The following ELF2 variants were observed in gnomAD, a reference collection of about 807,000 sequenced individuals.
The protein encoded by ELF2 is ETS-related transcription factor Elf-2.
Under a neutral mutation model 54.8 loss-of-function variants are expected in ELF2, and 11 were observed. That is an observed-to-expected ratio of 0.20 (90% CI 0.13 to 0.33). ELF2 has a LOEUF of 0.33. Ranked by LOEUF, ELF2 falls within the 10% of genes least tolerant of loss-of-function variation. ELF2 has a pLI of 1.00. For missense variants in ELF2, 513 were observed against 703.0 expected (o/e 0.73, Z 3.06); for synonymous variants, 203 against 245.1 (o/e 0.83, Z 1.61).
Position 139,059,201 on chromosome 4 carries a change from G to T in ELF2, c.1564C>A (p.Pro522Thr). The T allele has an allele frequency of 6.2e-7, 1 of 1,613,948 alleles. No individual in the cohort carries two copies. ...MPTQQASGQT[P>T]PRVISAVIKG... ...ATGACTGCACTGATAACTCGAGGAG[G>T]AGTCTGGCCAGATGCCTGCTGAGTA... Residue 522 changes from proline (P) to threonine (T), a missense_variant, in exon 10 of 10, where the codon CCT becomes ACT. By Grantham distance (38) the Pro-to-Thr change is conservative. This residue lies in a region of ELF2 where 291 missense variants were observed against 366.1 expected (regional missense o/e 0.79). Transcript: ENST00000686138.
intron 3 of ELF2, among the ~76,000 whole-genome samples, chr4:139,133,461 T>C (rs751503359): frequency 6.6e-6 from 1 of 152,218 alleles, no homozygotes; most frequent in Non-Finnish European, 1.5e-5. Flanking sequence ...AGTGCAGCTT[T>C]ATAGAAAGTC....
rs115461424 is a variant in ELF2, at chr4:139,062,144, T to A, written c.614-87A>T. On this transcript the variant is annotated intron_variant, in intron 7 of 9. Coordinates refer to ENST00000686138, the MANE Select transcript of ELF2 (RefSeq NM_001331036.3). Reference sequence around the variant, plus strand: ...AGCAAATAAAGTGTCCTTCATTGTATCATAAAAATCCTGAATATACTTGTT... The same window carrying A: ...AGCAAATAAAGTGTCCTTCATTGTAACATAAAAATCCTGAATATACTTGTT... The A allele has an allele frequency of 1.4e-3, 1,752 of 1,296,422 alleles. 23 individuals are homozygous for A. In the African/African-American group the frequency reaches 0.023, roughly 17 times the overall value. The allele number at this position is 1,296,422 out of a possible 1,614,324, so 80.3% of individuals were successfully genotyped here.
chr4:139,132,528 C>T (rs562729550), intron 3 of ELF2, among the ~76,000 whole-genome samples: 1 of 152,272 alleles, frequency 6.6e-6, no homozygotes, highest in East Asian at 1.9e-4. Context: ...TCTGCCTTTT[C>T]TCAAATTTTA....
intron 1 of ELF2, among the ~76,000 whole-genome samples, chr4:139,170,631 T>TA (rs544479897): frequency 6.6e-4 from 98 of 147,548 alleles, no homozygotes; most frequent in African/African-American, 2.3e-3. Context: ...ATGTATCTAC[T>TA]AAAAAACTTA....
At chr4:139,170,807 GC>G (rs1034395261) in intron 1 of ELF2, among the ~76,000 whole-genome samples, 2 of 151,134 alleles carry the variant, frequency 1.3e-5, no homozygotes, top group African/African-American at 4.9e-5. Flanking sequence ...GTGCAGTGTT[GC>G]AATCTCAGCT....
chr4:139,058,949 C>G lies in ELF2; in HGVS notation c.*34G>C, dbSNP rs1375794208. 2 of 1,561,052 alleles carry G rather than the reference C, an allele frequency of 1.3e-6. No individual in the cohort carries two copies. The highest frequency in any genetic ancestry group is 2.7e-5 in the African/African-American group (2 of 73,180). On this transcript the variant is annotated 3_prime_UTR_variant, in exon 10 of 10. Coordinates refer to ENST00000686138, the MANE Select transcript of ELF2 (RefSeq NM_001331036.3). The stretch of plus-strand genomic sequence containing the variant: ...GCAAATGTTTATGTCAGTACTGCCA[C>G]TAACAGCCTGAAGTCCATGGTGGAG...
At chr4:139,074,628 C>T (rs1017823446) in intron 4 of ELF2, among the ~76,000 whole-genome samples, 1 of 151,722 alleles carries the variant, frequency 6.6e-6, no homozygotes, top group Non-Finnish European at 1.5e-5. Flanking sequence ...GGCGTGGTGG[C>T]GGGCACCTGT....
At chr4:139,159,147 G>A (rs1298185857) in intron 1 of ELF2, among the ~76,000 whole-genome samples, 1 of 152,162 alleles carries the variant, frequency 6.6e-6, no homozygotes, top group East Asian at 1.9e-4. Context: ...CCTAGACCAA[G>A]AGGCATGTGA....
chr4:139,084,142 T>G, intron 4 of ELF2: 1 of 1,613,572 alleles, frequency 6.2e-7, no homozygotes, highest in East Asian at 2.2e-5. Flanking sequence ...CCGGCCCGGA[T>G]GAGCAGATCC....
chr4:139,127,614 G>A (rs191922949), intron 3 of ELF2, among the ~76,000 whole-genome samples: 65 of 152,162 alleles, frequency 4.3e-4, no homozygotes, highest in Non-Finnish European at 7.5e-4. Context: ...TGGAAACAGC[G>A]CCCAGCCGGG....
intron 7 of ELF2, among the ~76,000 whole-genome samples, chr4:139,064,310 G>A (rs190227262): frequency 7.2e-5 from 11 of 152,192 alleles, no homozygotes; most frequent in South Asian, 2.1e-4. Flanking sequence ...ACGAGACTCC[G>A]TCTCAAGAAA....
intron 1 of ELF2, among the ~76,000 whole-genome samples, chr4:139,175,531 G>C (rs1451274985): frequency 6.6e-6 from 1 of 152,078 alleles, no homozygotes; most frequent in African/African-American, 2.4e-5. Flanking sequence ...GTAATTTAAT[G>C]GTTTCCAGTC....
chr4:139,082,684 A>G (rs1359638685), intron 4 of ELF2, among the ~76,000 whole-genome samples: 1 of 152,156 alleles, frequency 6.6e-6, no homozygotes. Context: ...TCCCTTACCT[A>G]AAAACAATGG....
intron 4 of ELF2, among the ~76,000 whole-genome samples, chr4:139,124,324 G>A (rs966767778): frequency 5.3e-5 from 8 of 152,216 alleles, no homozygotes; most frequent in South Asian, 2.1e-4. Context: ...TATGCTGGAA[G>A]AGGCTAGTAG....
At chr4:139,164,018 G>C (rs141470986) in intron 1 of ELF2, among the ~76,000 whole-genome samples, 4 of 149,660 alleles carry the variant, frequency 2.7e-5, no homozygotes, top group African/African-American at 4.9e-5. Context: ...AAGGGCAAGA[G>C]AAAGAGAAAG....
chr4:139,101,830 C>T lies in ELF2; in HGVS notation c.238+23334G>A, dbSNP rs572122297. ...AGTGCTTCTTGTCTCAAGTAAATAA[C>T]TTGCACCTGATAGCCTCCTAAGTAT... On this transcript the variant is annotated intron_variant, in intron 4 of 9. Transcript: ENST00000686138. 22 of 152,160 alleles carry T rather than the reference C, an allele frequency of 1.4e-4. 1 individual carries two copies. The highest frequency in any genetic ancestry group is 8.5e-4 in the Admixed American group (13 of 15,282). 9.4% of individuals were successfully genotyped at this position (152,160 alleles called of 1,614,324 possible).
chr4:139,062,867 A>G (rs1728086113), intron 7 of ELF2, among the ~76,000 whole-genome samples: 1 of 152,192 alleles, frequency 6.6e-6, no homozygotes, highest in African/African-American at 2.4e-5. Flanking sequence ...ACTCTGAGGT[A>G]TATGTATTAT....
At chr4:139,151,043 A>AAGAAAGAAAG (rs1739877984) in intron 1 of ELF2, among the ~76,000 whole-genome samples, 1 of 73,676 alleles carries the variant, frequency 1.4e-5, no homozygotes, top group Non-Finnish European at 3.0e-5. Context: ...AAAGAAAGAA[A>AAGAAAGAAAG]GAAAGAAAGA....
At chr4:139,110,490 A>G (rs1734852413) in intron 4 of ELF2, among the ~76,000 whole-genome samples, 1 of 152,248 alleles carries the variant, frequency 6.6e-6, no homozygotes, top group African/African-American at 2.4e-5. Context: ...CAACCATATC[A>G]TAGACAATCA....
Sources: gnomAD v4.1 joint callset for allele counts (sites outside exome capture counted in the v4.1 genomes callset) on GRCh38, gnomAD v4.1.1 for gene constraint, gnomAD v4.1.1 regional missense constraint, MANE v1.5 for transcripts, NCBI Gene and HGNC (gene_info 2026-07-23, HGNC 2026-07-21) for gene names.